Variants in FNDC7 observed in about 807,000 individuals in gnomAD.
FNDC7 encodes the protein fibronectin type III domain-containing protein 7.
In FNDC7, 66 loss-of-function variants were observed where a neutral mutation model predicts 74.2. The ratio of observed to expected loss-of-function variants is 0.89; its 90% CI spans 0.73 to 1.09. The LOEUF is 1.09. Among genes scored for constraint, FNDC7 ranks in the 50% least tolerant of loss-of-function variants. The probability of loss-of-function intolerance (pLI) is 0.00; values close to 1 mark genes in which losing one functional copy is unlikely to be tolerated. For synonymous variants in FNDC7, 307 were observed against 330.2 expected (o/e 0.93, Z 0.76); for missense variants, 829 against 893.4 (o/e 0.93, Z 0.92).
intron 11 of FNDC7, among the ~76,000 whole-genome samples, chr1:108,740,636 CT>C (rs1342774460): frequency 2.0e-5 from 3 of 152,122 alleles, no homozygotes; most frequent in Non-Finnish European, 4.4e-5. Flanking sequence ...CATAAACAGA[CT>C]TTTTAAGAGA....
chr1:108,735,134 T>C (rs1390225176), intron 10 of FNDC7, among the ~76,000 whole-genome samples: 1 of 152,214 alleles, frequency 6.6e-6, no homozygotes, highest in Non-Finnish European at 1.5e-5. Flanking sequence ...CTAAAAACCC[T>C]GGAGTCAGCT....
chr1:108,716,124 T>C (rs566379720), intron 2 of FNDC7, among the ~76,000 whole-genome samples: 1 of 152,282 alleles, frequency 6.6e-6, no homozygotes, highest in South Asian at 2.1e-4. Flanking sequence ...GAATGCATGA[T>C]CCGGCCTCCT....
In FNDC7 at chr1:108,719,000, G is replaced by A; in HGVS notation, c.549G>A (p.Trp183Ter). 6.4e-7 allele frequency: 1 copy of A among 1,552,168 alleles called. No individual in the cohort carries two copies. Among genetic ancestry groups the A allele is most frequent in the South Asian group, 1.2e-5 (1 of 84,058 alleles). Residue 183 changes from tryptophan to a stop codon, truncating the protein, a stop_gained, in exon 4 of 13, where the codon TGG (tryptophan) becomes TGA (stop). Transcript: ENST00000370017. LOFTEE classifies it high-confidence loss of function. ...TCTACACCATAAAGGCCTATGCATG[G>A]AATGCCAACAGAATCCCTGGGGATG... ...GTLYTIKAYAWNANRIPGDDS... is the reference protein window; with the variant it reads ...GTLYTIKAYA
chr1:108,720,428 G>T (rs1661069984), intron 4 of FNDC7, among the ~76,000 whole-genome samples: 1 of 152,156 alleles, frequency 6.6e-6, no homozygotes, highest in Non-Finnish European at 1.5e-5. Flanking sequence ...ATCAGGCTGG[G>T]GCACTGAGAC....
chr1:108,736,099 T>G (rs1425993804), intron 10 of FNDC7, among the ~76,000 whole-genome samples: 1 of 152,218 alleles, frequency 6.6e-6, no homozygotes, highest in East Asian at 1.9e-4. Flanking sequence ...TAAGCCACTG[T>G]GCCCAGCCTG....
chr1:108,722,793 T>A (rs1255917208), intron 5 of FNDC7, among the ~76,000 whole-genome samples: 2 of 152,370 alleles, frequency 1.3e-5, no homozygotes, highest in African/African-American at 4.8e-5. Context: ...AAAAAGCACT[T>A]TTTGGAAAAT....
chr1:108,739,173 A>T lies in FNDC7; in HGVS notation c.2170+1649A>T, dbSNP rs553346074. The stretch of plus-strand genomic sequence containing the variant: ...ATTTAAAAATGTTTGAAAAGAAAGA[A>T]TGTCTATGTTTTAACAAAAAACACA... On this transcript the variant is annotated intron_variant, in intron 11 of 12. Transcript: ENST00000370017. Among the ~76,000 whole-genome samples the T allele has an allele frequency of 1.0e-3, 156 of 152,368 alleles. 1 individual carries two copies. Among genetic ancestry groups the T allele is most frequent in the Non-Finnish European group, 2.0e-3 (137 of 68,028 alleles).
At chr1:108,733,605 T>G (rs945143257) in intron 10 of FNDC7, 73 bp downstream of exon 10, 20 of 1,466,572 alleles carry the variant, frequency 1.4e-5, no homozygotes, top group Middle Eastern at 2.0e-4. Context: ...GCAATCAAAC[T>G]TATTTACTAT....
At chr1:108,728,483 C>T in intron 7 of FNDC7, 149 bp from the exon 8 acceptor site, 1 of 810,170 alleles carries the variant, frequency 1.2e-6, no homozygotes. Context: ...AACAGTTCCC[C>T]ACGCATAGGC....
intron 10 of FNDC7, among the ~76,000 whole-genome samples, chr1:108,736,382 T>G (rs999242195): frequency 4.6e-5 from 7 of 152,228 alleles, no homozygotes; most frequent in African/African-American, 1.7e-4. Flanking sequence ...CCCTCCTTTA[T>G]GACCCCACAG....
Position 108,713,008 on chromosome 1 carries a change from A to T in FNDC7, c.63+12A>T. ...TCTGTCTTAAAATGGTGAGTTCATC[A>T]TTCCAACTACCCACAACTATTTAGG... is the stretch of plus-strand genomic sequence containing the variant. On this transcript the variant is annotated intron_variant, in intron 1 of 12. Coordinates refer to ENST00000370017, the MANE Select transcript of FNDC7 (RefSeq NM_001144937.3). 6.5e-7 allele frequency: 1 copy of T among 1,549,838 alleles called. No homozygotes were observed. Among genetic ancestry groups the T allele is most frequent in the Non-Finnish European group, 8.7e-7 (1 of 1,145,552 alleles).
intron 10 of FNDC7, 45 bp from the exon 11 acceptor site, chr1:108,737,450 A>T: frequency 6.7e-7 from 1 of 1,500,142 alleles, no homozygotes; most frequent in South Asian, 1.2e-5. Context: ...TCTTAAATAC[A>T]TAAATGAATA....
At chr1:108,715,638 C>T (rs1660953968) in intron 2 of FNDC7, among the ~76,000 whole-genome samples, 1 of 149,106 alleles carries the variant, frequency 6.7e-6, no homozygotes, top group Non-Finnish European at 1.5e-5. Flanking sequence ...CTTGTCTTGG[C>T]TCATACACAA....
chr1:108,740,978 T>C (rs997132866), intron 11 of FNDC7, among the ~76,000 whole-genome samples: 1 of 152,254 alleles, frequency 6.6e-6, no homozygotes, highest in Non-Finnish European at 1.5e-5. Context: ...ATTCTCTAAG[T>C]GTGGTCCTGG....
Position 108,728,277 on chromosome 1 carries a change from G to A in FNDC7, c.1369+212G>A, listed in dbSNP as rs150364624. 4.7e-3 allele frequency among the ~76,000 whole-genome samples: 713 copies of A among 152,312 alleles called. 6 individuals carry two copies. The highest frequency in any genetic ancestry group is 0.014 in the African/African-American group (577 of 41,556). On this transcript the variant is annotated intron_variant, in intron 7 of 12. Transcript: ENST00000370017. Reference sequence around the variant, plus strand: ...AAATGAAAACAAAAGGGGAGACCACGGGGAGAGTAGAAGGTTTTGCCCATG... The same window carrying A: ...AAATGAAAACAAAAGGGGAGACCACAGGGAGAGTAGAAGGTTTTGCCCATG...
At chr1:108,735,989 G>T (rs1176951586) in intron 10 of FNDC7, among the ~76,000 whole-genome samples, 1 of 151,860 alleles carries the variant, frequency 6.6e-6, no homozygotes, top group Non-Finnish European at 1.5e-5. Flanking sequence ...AAATTTTTTT[G>T]TAGAGACAAG....
chr1:108,741,568 GGA>G (rs966156877), intron 11 of FNDC7, among the ~76,000 whole-genome samples: 18 of 152,180 alleles, frequency 1.2e-4, no homozygotes, highest in Admixed American at 7.8e-4. Flanking sequence ...TGGTGAAGCA[GGA>G]GAGAGACTGC....
intron 2 of FNDC7, among the ~76,000 whole-genome samples, chr1:108,716,321 GTGT>G (rs1557786109): frequency 0.15 from 13,575 of 92,602 alleles, 1,008 homozygotes; most frequent in South Asian, 0.18. Context: ...CAGAAGAGAG[GTGT>G]GTGTGTGTGT....
intron 11 of FNDC7, among the ~76,000 whole-genome samples, chr1:108,739,766 T>A (rs1473295729): frequency 6.6e-6 from 1 of 152,210 alleles, no homozygotes; most frequent in Non-Finnish European, 1.5e-5. Flanking sequence ...CTGCTTTAGA[T>A]CACTAATGTC....
Sources: gnomAD v4.1 joint callset for allele counts (sites outside exome capture counted in the v4.1 genomes callset) on GRCh38, gnomAD v4.1.1 for gene constraint, MANE v1.5 for transcripts, NCBI Gene and HGNC (gene_info 2026-07-23, HGNC 2026-07-21) for gene names.